LRP12: variants seen among roughly 807,000 people sequenced by gnomAD.
LRP12 encodes low-density lipoprotein receptor-related protein 12.
A neutral mutation model predicts 66.0 loss-of-function variants in LRP12; 14 were observed. The observed-to-expected ratio is 0.21, with a 90% CI of 0.14 to 0.33. LRP12 has a LOEUF of 0.33. Ranked by LOEUF, LRP12 falls within the 10% of genes least tolerant of loss-of-function variation. LRP12 has a pLI of 1.00. For synonymous variants in LRP12, 357 were observed against 359.1 expected, an observed-to-expected ratio of 0.99 and a Z score of 0.07; for missense variants, 889 against 1,053.4, an observed-to-expected ratio of 0.84 and a Z score of 2.16.
rs1812397036 is a variant in LRP12 at position 104,589,226 on chromosome 8, C to G, written c.-329G>C. On this transcript the variant is annotated 5_prime_UTR_variant, in exon 1 of 7. Transcript: ENST00000276654. ...GACGCCGGACTCCGGCCTCGCGCCG[C>G]TCGGGCTAGCCGGCGCCGCCACTCG... Among the ~76,000 whole-genome samples, 1 of 151,598 alleles carries G rather than the reference C, an allele frequency of 6.6e-6. No individual in the cohort carries two copies. The highest frequency in any genetic ancestry group is 1.5e-5 in the Non-Finnish European group (1 of 67,768).
chr8:104,527,743 T>C (rs1811261946), intron 2 of LRP12, among the ~76,000 whole-genome samples: 1 of 152,034 alleles, frequency 6.6e-6, no homozygotes, highest in African/African-American at 2.4e-5. Flanking sequence ...AATGACGAGT[T>C]AATGGGTGCA....
At chr8:104,541,670 C>T (rs890776713) in intron 1 of LRP12, among the ~76,000 whole-genome samples, 1 of 152,078 alleles carries the variant, frequency 6.6e-6, no homozygotes, top group Non-Finnish European at 1.5e-5. Context: ...TTTTTCTCTT[C>T]CCCACATCCC....
chr8:104,508,872 A>C, intron 3 of LRP12, 67 bp downstream of exon 3: 1 of 1,399,718 alleles, frequency 7.1e-7, no homozygotes, highest in Non-Finnish European at 9.8e-7. Context: ...ATGTTAAGTA[A>C]TAATAAATGA....
chr8:104,512,146 A>T, intron 2 of LRP12, among the ~76,000 whole-genome samples: 1 of 152,122 alleles, frequency 6.6e-6, no homozygotes, highest in South Asian at 2.1e-4. Context: ...GTGAAACCCC[A>T]TCTCTACTAA....
At chr8:104,548,152 AT>A (rs1564141769) in intron 1 of LRP12, among the ~76,000 whole-genome samples, 7 of 68,818 alleles carry the variant, frequency 1.0e-4, no homozygotes, top group African/African-American at 6.0e-4. Flanking sequence ...TATATTATAT[AT>A]TAATAATTAT....
At chr8:104,547,404 C>CTGTTATATATTTTGTATATAATATACAAT in intron 1 of LRP12, among the ~76,000 whole-genome samples, 1 of 127,584 alleles carries the variant, frequency 7.8e-6, no homozygotes, top group African/African-American at 3.2e-5. Flanking sequence ...ATATACAATT[C>CTGTTATATATTTTGTATATAATATACAAT]TGTTATATTT....
intron 3 of LRP12, among the ~76,000 whole-genome samples, chr8:104,502,174 C>T (rs1319095460): frequency 6.6e-6 from 1 of 152,150 alleles, no homozygotes; most frequent in African/African-American, 2.4e-5. Context: ...AGGGGGAATT[C>T]TTAGTTTAAG....
chr8:104,580,863 A>C (rs1284955457), intron 1 of LRP12, among the ~76,000 whole-genome samples: 1 of 152,248 alleles, frequency 6.6e-6, no homozygotes. Context: ...TCATTGTGGA[A>C]GACAACGTGG....
At chr8:104,571,473 C>T (rs1812078905) in intron 1 of LRP12, among the ~76,000 whole-genome samples, 1 of 152,102 alleles carries the variant, frequency 6.6e-6, no homozygotes, top group Non-Finnish European at 1.5e-5. Context: ...ATGATGTTCT[C>T]GTAATTGTGA....
chr8:104,548,342 TATA>T (rs1811657085), intron 1 of LRP12, among the ~76,000 whole-genome samples: 2 of 22,010 alleles, frequency 9.1e-5, no homozygotes, highest in African/African-American at 1.5e-4. Flanking sequence ...TATATAAATA[TATA>T]AATATATAAT....
chr8:104,547,569 AATT>A (rs1258670118), intron 1 of LRP12, among the ~76,000 whole-genome samples: 10 of 124,928 alleles, frequency 8.0e-5, no homozygotes, highest in East Asian at 4.4e-4. Flanking sequence ...ATATATTAAT[AATT>A]ATTATATATT....
chr8:104,549,122 C>T (rs912198154), intron 1 of LRP12, among the ~76,000 whole-genome samples: 1 of 152,030 alleles, frequency 6.6e-6, no homozygotes, highest in African/African-American at 2.4e-5. Context: ...CTTAAATATA[C>T]ATTCAAGTAA....
intron 2 of LRP12, among the ~76,000 whole-genome samples, chr8:104,527,843 GA>G (rs927018250): frequency 1.1e-3 from 167 of 150,096 alleles, no homozygotes; most frequent in African/African-American, 3.9e-3. Flanking sequence ...TAAAAACAAA[GA>G]AAAAAAAAGA....
rs777021360 is a variant in LRP12 at position 104,495,218 on chromosome 8, G to A, written c.1581-9C>T. ...ACTGTGTTTCAAATGATCTTTGAGAGTAGATGGAAAGAAAAATGATTAAAA... is the reference window on the plus strand; with the variant it reads ...ACTGTGTTTCAAATGATCTTTGAGAATAGATGGAAAGAAAAATGATTAAAA... On this transcript the variant is annotated splice_polypyrimidine_tract_variant and intron_variant, in intron 5 of 6. Coordinates refer to ENST00000276654, the MANE Select transcript of LRP12 (RefSeq NM_013437.5). The A allele has an allele frequency of 9.4e-6, 15 of 1,603,460 alleles. No homozygotes were observed. In the East Asian group the frequency reaches 2.9e-4, roughly 31 times the overall value.
In LRP12 at chr8:104,508,981, C is replaced by A. The variant is rs1333089583; in HGVS notation, c.230G>T (p.Ser77Ile). Residue 77 changes from serine to isoleucine, a missense_variant, in exon 3 of 7, where the codon AGC (serine) becomes ATC (isoleucine). Physicochemically the swap from Ser to Ile is moderately radical, Grantham distance 142. Around this residue, in one of 3 missense-constraint regions of LRP12, gnomAD observed 800 missense variants for 964.5 expected, o/e 0.83. Transcript: ENST00000276654. ...PSEYPAKINCSWFIRANPGEI... is the reference protein window; with the variant it reads ...PSEYPAKINCIWFIRANPGEI... ...GCCTGGGTTTGCCCTTATGAACCAG[C>A]TACAGTTGATTTTTGCAGGATATTC... 6.2e-7 allele frequency: 1 copy of A among 1,613,654 alleles called. No homozygotes were observed. The highest frequency in any genetic ancestry group is 8.5e-7 in the Non-Finnish European group (1 of 1,179,770).
intron 2 of LRP12, among the ~76,000 whole-genome samples, chr8:104,528,729 C>T (rs1455309564): frequency 6.6e-6 from 1 of 151,554 alleles, no homozygotes; most frequent in East Asian, 2.0e-4. Flanking sequence ...GAACTGAGAT[C>T]ACAACACTGT....
At position 104,497,489 on chromosome 8, in the gene LRP12, A is replaced by C. The variant is rs78131914; in HGVS notation, c.1063T>G (p.Cys355Gly). Residue 355 changes from cysteine to glycine, a missense_variant, in exon 5 of 7, where the codon TGT (cysteine) becomes GGT (glycine). Coordinates refer to ENST00000276654, the MANE Select transcript of LRP12 (RefSeq NM_013437.5). The surrounding 1 kb of genome is among the most constrained non-coding windows in gnomAD (Gnocchi z 4.3). ...CTTGCAGCATTCACTTTATCAGCAC[A>C]AAAATGTACCCTTATCTGTCCAGAA... Reference protein sequence around the residue: ...SSSGQIRVHFCADKVNAARGF... With the variant: ...SSSGQIRVHFGADKVNAARGF... The C allele has an allele frequency of 3.4e-3, 5,500 of 1,614,186 alleles. 9 individuals are homozygous for C. Among genetic ancestry groups the C allele is most frequent in the Non-Finnish European group, 4.3e-3 (5,075 of 1,180,022 alleles).
Position 104,491,445 on chromosome 8 carries a change from C to A in LRP12, c.1808G>T (p.Trp603Leu). The change falls in exon 7 of 7, where the codon TGG becomes TTG. Residue 603 changes from tryptophan (W) to leucine (L), a missense_variant. Trp to Leu is a moderately conservative substitution (Grantham distance 61). This residue lies in a region of LRP12 where 800 missense variants were observed against 964.5 expected (regional missense o/e 0.83). Coordinates refer to ENST00000276654, the MANE Select transcript of LRP12 (RefSeq NM_013437.5). ...LPMAGRSSNI[W>L]NRIFNFARSR... ...TCTTGCAAAATTAAAAATACGGTTC[C>A]AAATGTTGCTTGATCTGCCTGCCAT... The A allele has an allele frequency of 6.2e-7, 1 of 1,613,978 alleles. No individual in the cohort carries two copies. Among genetic ancestry groups the A allele is most frequent in the Admixed American group, 1.7e-5 (1 of 59,980 alleles).
chr8:104,548,488 G>T (rs1320397578), intron 1 of LRP12, among the ~76,000 whole-genome samples: 3 of 121,998 alleles, frequency 2.5e-5, no homozygotes, highest in Non-Finnish European at 4.9e-5. Context: ...ATTATATTTT[G>T]TATCTAATAT....
Sources: gnomAD v4.1 joint callset for allele counts (sites outside exome capture counted in the v4.1 genomes callset) on GRCh38, gnomAD v4.1.1 for gene constraint, gnomAD v4.1.1 regional missense constraint, Gnocchi (gnomAD v3.1) non-coding constraint, MANE v1.5 for transcripts, NCBI Gene and HGNC (gene_info 2026-07-23, HGNC 2026-07-21) for gene names.